Variants in NDUFAF6 observed in about 807,000 individuals in gnomAD.
NDUFAF6 encodes the protein NADH:ubiquinone oxidoreductase complex assembly factor 6.
In NDUFAF6, 45 loss-of-function variants were observed where a neutral mutation model predicts 40.8. The observed-to-expected ratio is 1.10, with a 90% CI of 0.87 to 1.42. The LOEUF (loss-of-function observed/expected upper bound fraction) is 1.42. Ranked by LOEUF, NDUFAF6 falls within the 40% of genes most tolerant of loss-of-function variation. The probability of loss-of-function intolerance (pLI) is 0.00; values close to 1 mark genes in which losing one functional copy is unlikely to be tolerated. For missense variants in NDUFAF6, 435 were observed against 418.5 expected (o/e 1.04, Z -0.34); for synonymous variants, 185 against 155.9 (o/e 1.19, Z -1.39).
chr8:95,097,123 A>T (rs537621595), upstream of NDUFAF6, among the ~76,000 whole-genome samples: 2 of 152,254 alleles, frequency 1.3e-5, no homozygotes, highest in Non-Finnish European at 2.9e-5. Context: ...GGAAATGTAC[A>T]TTATGAACTT....
chr8:94,951,938 C>G (rs563654917), intron 2 of NDUFAF6, among the ~76,000 whole-genome samples: 24 of 152,224 alleles, frequency 1.6e-4, no homozygotes, highest in African/African-American at 5.1e-4. Context: ...TTCATCTGTT[C>G]ACTGACAAAG....
chr8:94,968,419 A>G (rs1251931210), intron 1 of NDUFAF6, among the ~76,000 whole-genome samples: 2 of 152,204 alleles, frequency 1.3e-5, no homozygotes, highest in Non-Finnish European at 2.9e-5. Context: ...GAAGGCCTTT[A>G]TTATGAAATG....
chr8:94,981,025 T>C lies in NDUFAF6; in HGVS notation c.-84+52T>C, dbSNP rs147428027. On this transcript the variant is annotated intron_variant, in intron 2 of 9. Coordinates refer to the NDUFAF6 transcript ENST00000396111. ...ATTAGTGCCAGCACAAAGAGGCTCT[T>C]TCCCCCACCCCAGTATTACCATGGT... 2.0e-5 allele frequency: 9 copies of C among 455,698 alleles called. No individual in the cohort carries two copies. In the East Asian group the frequency reaches 6.3e-4, roughly 32 times the overall value. The allele number at this position is 455,698 out of a possible 1,614,324, so 28.2% of individuals were successfully genotyped here.
At chr8:95,081,836 C>T (rs1399485428) in intron 2 of NDUFAF6, among the ~76,000 whole-genome samples, 3 of 146,392 alleles carry the variant, frequency 2.0e-5, no homozygotes, top group Non-Finnish European at 3.0e-5. Flanking sequence ...CCGAGGCGAG[C>T]GGATCATGAG....
chr8:94,988,104 A>G (rs1356682890), intron 2 of NDUFAF6, among the ~76,000 whole-genome samples: 1 of 152,232 alleles, frequency 6.6e-6, no homozygotes, highest in African/African-American at 2.4e-5. Flanking sequence ...TCCACCACTA[A>G]GCCTCAGAAA....
At chr8:95,090,091 C>A (rs4540384) in intron 2 of NDUFAF6, among the ~76,000 whole-genome samples, 106,484 of 151,946 alleles carry the variant, frequency 0.7, 37,983 homozygotes, top group East Asian at 0.9. Flanking sequence ...CAGCAGGTGT[C>A]TTTTCTTAAG....
intron 1 of NDUFAF6, among the ~76,000 whole-genome samples, chr8:94,973,550 T>C (rs925855220): frequency 6.6e-6 from 1 of 151,706 alleles, no homozygotes; most frequent in Non-Finnish European, 1.5e-5. Flanking sequence ...CTACTAAACA[T>C]ACAAAAAATT....
chr8:95,035,062 G>A (rs1189822856), intron 2 of NDUFAF6, among the ~76,000 whole-genome samples: 2 of 151,922 alleles, frequency 1.3e-5, no homozygotes, highest in Non-Finnish European at 2.9e-5. Flanking sequence ...TGTATTTTTA[G>A]TAGAGACGGG....
At chr8:95,041,442 G>C (rs1830134930) in intron 3 of NDUFAF6, 128 bp from the exon 4 acceptor site, 2 of 681,094 alleles carry the variant, frequency 2.9e-6, no homozygotes, top group Admixed American at 2.4e-5. Flanking sequence ...TAACATAGCT[G>C]TCTATATGGT....
At chr8:95,004,020 G>T (rs1826850752) in intron 2 of NDUFAF6, among the ~76,000 whole-genome samples, 1 of 152,184 alleles carries the variant, frequency 6.6e-6, no homozygotes, top group Admixed American at 6.5e-5. Flanking sequence ...GTGTGTATTT[G>T]TTGAGGAACG....
chr8:95,043,331 C>T (rs913756466), intron 4 of NDUFAF6, among the ~76,000 whole-genome samples: 1 of 151,760 alleles, frequency 6.6e-6, no homozygotes, highest in African/African-American at 2.4e-5. Flanking sequence ...CCTCGTGATC[C>T]ACCCGCCTCA....
At chr8:94,962,825 G>A (rs1322920088) in intron 1 of NDUFAF6, among the ~76,000 whole-genome samples, 1 of 146,282 alleles carries the variant, frequency 6.8e-6, no homozygotes, top group East Asian at 2.0e-4. Context: ...GAGTCTCGCT[G>A]TGTTGCCCAG....
At chr8:94,901,875 G>T (rs13254283) in intron 1 of NDUFAF6, among the ~76,000 whole-genome samples, 69,853 of 152,044 alleles carry the variant, frequency 0.46, 16,847 homozygotes, top group East Asian at 0.73. Context: ...ATAAGCCACT[G>T]TGCCCAGCCT....
At position 95,069,892 on chromosome 8, in the gene NDUFAF6, A is replaced by C. The variant is rs540510097; in HGVS notation, c.*512-5741A>C. 5.2e-4 allele frequency among the ~76,000 whole-genome samples: 79 copies of C among 150,538 alleles called. 3 individuals carry two copies. The highest frequency in any genetic ancestry group is 1.8e-3 in the African/African-American group (74 of 40,664). ...TTCACAAATGTCTCAAAGCAGTTTA[A>C]AATGTTCTTGATGTTACATAATGAG... is the stretch of plus-strand genomic sequence containing the variant. On this transcript the variant is annotated intron_variant and NMD_transcript_variant, in intron 9 of 9. Transcript: ENST00000520757.
At position 95,052,160 on chromosome 8, in the gene NDUFAF6, C is replaced by A. The variant is rs556912836; in HGVS notation, c.817-14C>A. On this transcript the variant is annotated splice_polypyrimidine_tract_variant and intron_variant, in intron 7 of 8. Transcript: ENST00000396124. ...CTTAATTTTGAACGAGCTTCCTCTC[C>A]TCTTCCTTTTTAGGCTAGGTCCTTT... 92 of 1,613,944 alleles carry A rather than the reference C, an allele frequency of 5.7e-5. No homozygotes were observed. The South Asian group carries it at 8.9e-4, about 16-fold the overall frequency.
intron 2 of NDUFAF6, among the ~76,000 whole-genome samples, chr8:95,011,922 C>G (rs185073944): frequency 6.6e-6 from 1 of 152,272 alleles, no homozygotes; most frequent in East Asian, 1.9e-4. Flanking sequence ...CTTTCCTGTA[C>G]TGAAATTCTG....
intron 1 of NDUFAF6, among the ~76,000 whole-genome samples, chr8:95,028,673 A>T (rs1828459384): frequency 6.6e-6 from 1 of 152,170 alleles, no homozygotes; most frequent in South Asian, 2.1e-4. Context: ...TAACCTTGGT[A>T]GGTTATTAAG....
chr8:95,109,587 TAGAGAGAGAGAGAG>T (rs71695882), intron 4 of NDUFAF6, among the ~76,000 whole-genome samples: 8 of 142,224 alleles, frequency 5.6e-5, no homozygotes, highest in African/African-American at 1.4e-4. Context: ...GATAGATAGA[TAGAGAGAGAGAGAG>T]AGAGAGAGAG....
chr8:94,954,835 A>G (rs571069739), upstream of NDUFAF6, among the ~76,000 whole-genome samples: 5 of 152,298 alleles, frequency 3.3e-5, no homozygotes, highest in East Asian at 9.6e-4. Context: ...GGCTTTTCCA[A>G]CACTTCCAGA....
Sources: allele counts gnomAD v4.1 joint callset (sites outside exome capture counted in the v4.1 genomes callset), GRCh38; gene constraint gnomAD v4.1.1; transcripts MANE v1.5; gene names NCBI Gene and HGNC (gene_info 2026-07-23, HGNC 2026-07-21).